CSMD1: variants seen among roughly 807,000 people sequenced by gnomAD.
CSMD1 encodes CUB and sushi domain-containing protein 1.
CSMD1 carries 213 observed loss-of-function variants against 417.5 expected under a neutral mutation model. The ratio of observed to expected loss-of-function variants is 0.51; its 90% CI spans 0.46 to 0.57. The LOEUF is 0.57. Ranked by LOEUF, CSMD1 falls within the 20% of genes least tolerant of loss-of-function variation. CSMD1 has a pLI of 0.00. For synonymous variants in CSMD1, 2,862 were observed against 1,736.8 expected (o/e 1.65, Z -16.11); for missense variants, 6,923 against 4,529.7 (o/e 1.53, Z -15.17).
At chr8:4,435,330 G>A (rs188865343) in intron 2 of CSMD1, among the ~76,000 whole-genome samples, 6 of 152,156 alleles carry the variant, frequency 3.9e-5, no homozygotes, top group Admixed American at 2.6e-4. Context: ...TAAAATGCAG[G>A]ATTATGGAGT....
intron 2 of CSMD1, among the ~76,000 whole-genome samples, chr8:4,426,531 A>C (rs964704700): frequency 2.0e-5 from 3 of 147,574 alleles, no homozygotes; most frequent in African/African-American, 7.4e-5. Context: ...GTAGTATTTT[A>C]TACTGTATAA....
At chr8:4,909,292 C>A (rs890559313) in intron 1 of CSMD1, among the ~76,000 whole-genome samples, 2 of 151,146 alleles carry the variant, frequency 1.3e-5, no homozygotes, top group African/African-American at 2.4e-5. Flanking sequence ...AGGGCTATGA[C>A]TTTTCTGAGA....
chr8:3,618,170 TAA>T (rs558558517), intron 7 of CSMD1, among the ~76,000 whole-genome samples: 1 of 150,102 alleles, frequency 6.7e-6, no homozygotes, highest in Non-Finnish European at 1.5e-5. Context: ...CCCAGATAAT[TAA>T]AAAAAAAATC....
At chr8:4,170,174 G>A (rs762005742) in intron 3 of CSMD1, among the ~76,000 whole-genome samples, 1 of 151,732 alleles carries the variant, frequency 6.6e-6, no homozygotes, top group Non-Finnish European at 1.5e-5. Context: ...TAAGAGTGAA[G>A]GACCTTTCAC....
intron 1 of CSMD1, among the ~76,000 whole-genome samples, chr8:4,791,068 CGGTG>C: frequency 1.7e-5 from 2 of 118,190 alleles, no homozygotes; most frequent in East Asian, 4.7e-4. Context: ...GGGAGAGAGA[CGGTG>C]AGAGAGACGG....
intron 3 of CSMD1, among the ~76,000 whole-genome samples, chr8:4,406,524 C>T (rs947734122): frequency 6.6e-6 from 1 of 152,168 alleles, no homozygotes; most frequent in Non-Finnish European, 1.5e-5. Flanking sequence ...TATTACTTTT[C>T]ATTCTAAGAA....
chr8:3,623,881 G>T lies in CSMD1; in HGVS notation c.1010-7084C>A, dbSNP rs192311987. Among the ~76,000 whole-genome samples, 45 of 152,140 alleles carry T rather than the reference G, an allele frequency of 3.0e-4. No homozygotes were observed. In the East Asian group the frequency reaches 7.6e-3, roughly 26 times the overall value. On this transcript the variant is annotated intron_variant, in intron 7 of 69. Coordinates refer to ENST00000635120, the MANE Select transcript of CSMD1 (RefSeq NM_033225.6). ...AATCCCAGCTACTCTGGAGGCTGAG[G>T]CAGGAGAATCGCTTGAACCCGGGAG...
In CSMD1 at chr8:3,818,068, T is replaced by C. The variant is rs73658288; in HGVS notation, c.819-64026A>G. ...CGTTCTATTCGGCTTGGAGCAGGCA[T>C]GGAGGTCCGGGCTCAGCCAGCCTGG... On this transcript the variant is annotated intron_variant, in intron 5 of 69. Coordinates refer to ENST00000635120, the MANE Select transcript of CSMD1 (RefSeq NM_033225.6). 1.4e-3 allele frequency among the ~76,000 whole-genome samples: 214 copies of C among 152,246 alleles called. 2 individuals carry two copies. Among genetic ancestry groups the C allele is most frequent in the African/African-American group, 4.4e-3 (181 of 41,550 alleles).
At chr8:3,890,967 G>A (rs1261151825) in intron 5 of CSMD1, among the ~76,000 whole-genome samples, 1 of 152,080 alleles carries the variant, frequency 6.6e-6, no homozygotes, top group African/African-American at 2.4e-5. Context: ...TCAATAACCT[G>A]TGAAATGGAT....
At chr8:4,138,396 T>G (rs1025307240) in intron 3 of CSMD1, among the ~76,000 whole-genome samples, 6 of 152,028 alleles carry the variant, frequency 3.9e-5, no homozygotes, top group African/African-American at 1.4e-4. Context: ...CTTTGCCTCC[T>G]TACGTCCAGT....
chr8:3,218,907 C>CT (rs1272883236), intron 29 of CSMD1, among the ~76,000 whole-genome samples: 1 of 152,090 alleles, frequency 6.6e-6, no homozygotes, highest in Non-Finnish European at 1.5e-5. Context: ...TTTTCATGTA[C>CT]TTACATTTAA....
chr8:3,878,914 G>C lies in CSMD1; in HGVS notation c.818+118989C>G, dbSNP rs543113297. Among the ~76,000 whole-genome samples the C allele has an allele frequency of 2.0e-5, 3 of 152,280 alleles. No homozygotes were observed. In the South Asian group the frequency reaches 6.2e-4, roughly 32 times the overall value. On this transcript the variant is annotated intron_variant, in intron 5 of 69. Transcript: ENST00000635120. The stretch of plus-strand genomic sequence containing the variant: ...ATATCACAAGTTATATGAAGTCTCA[G>C]AGAATGTACATGACAGAAAATAACT...
Position 3,199,751 on chromosome 8 carries a change from G to A in CSMD1, c.5157C>T (p.Ser1719=), listed in dbSNP as rs983857657. ...AGTGGAAGCCGCGGGCAGAGGCACC[G>A]CTCTTTGCACTGAATCGGAGCAGAA... ...NQILLRFSAK[S]GASARGFHFV... is the part of the protein sequence containing the mutation. The change falls in exon 33 of 70, where the codon AGC becomes AGT. Residue 1719 remains serine, a synonymous_variant. Coordinates refer to ENST00000635120, the MANE Select transcript of CSMD1 (RefSeq NM_033225.6). 1.1e-5 allele frequency: 17 copies of A among 1,588,826 alleles called. No individual in the cohort carries two copies. Among genetic ancestry groups the A allele is most frequent in the South Asian group, 8.1e-5 (7 of 86,620 alleles).
At chr8:2,968,190 C>A (rs1364185050) in intron 57 of CSMD1, among the ~76,000 whole-genome samples, 1 of 152,216 alleles carries the variant, frequency 6.6e-6, no homozygotes, top group Non-Finnish European at 1.5e-5. Context: ...CTATCCAAGA[C>A]AACTATTCAT....
At chr8:3,536,686 G>T (rs995261162) in intron 10 of CSMD1, among the ~76,000 whole-genome samples, 1 of 152,152 alleles carries the variant, frequency 6.6e-6, no homozygotes, top group African/African-American at 2.4e-5. Flanking sequence ...CAGAGCAATA[G>T]GATCTGTGCC....
At chr8:3,594,203 G>T (rs1212925885) in intron 8 of CSMD1, among the ~76,000 whole-genome samples, 1 of 152,126 alleles carries the variant, frequency 6.6e-6, no homozygotes, top group Non-Finnish European at 1.5e-5. Flanking sequence ...GTCCCCAAAT[G>T]CACCAGACAT....
chr8:4,080,234 C>A (rs1448240443), intron 3 of CSMD1, among the ~76,000 whole-genome samples: 1 of 151,988 alleles, frequency 6.6e-6, no homozygotes, highest in Non-Finnish European at 1.5e-5. Context: ...CCTTAAAACC[C>A]ATCATCACTG....
At chr8:3,018,417 T>A in intron 52 of CSMD1, 60 bp downstream of exon 52, 1 of 1,506,718 alleles carries the variant, frequency 6.6e-7, no homozygotes, top group East Asian at 2.3e-5. Flanking sequence ...GTTACACAGC[T>A]GTAATCTATT....
chr8:4,864,478 G>C (rs1243530881), intron 1 of CSMD1, among the ~76,000 whole-genome samples: 11 of 151,782 alleles, frequency 7.2e-5, no homozygotes, highest in Admixed American at 7.2e-4. Flanking sequence ...TCATTGCTCA[G>C]AAACCCTATA....
Sources: allele counts gnomAD v4.1 joint callset (sites outside exome capture counted in the v4.1 genomes callset), GRCh38; gene constraint gnomAD v4.1.1; transcripts MANE v1.5; gene names NCBI Gene and HGNC (gene_info 2026-07-23, HGNC 2026-07-21).